ASCC3: variants seen among roughly 807,000 people sequenced by gnomAD.
ASCC3 encodes activating signal cointegrator 1 complex subunit 3, also known as ASC-1 complex subunit P200.
In ASCC3, 158 loss-of-function variants were observed where a neutral mutation model predicts 256.3. The ratio of observed to expected loss-of-function variants is 0.62; its 90% CI spans 0.54 to 0.70. ASCC3 has a LOEUF of 0.70. ASCC3 is among the 30% of genes least tolerant of loss of function. ASCC3 has a pLI of 0.00. For synonymous variants in ASCC3, 948 were observed against 883.4 expected, an observed-to-expected ratio of 1.07 and a Z score of -1.30; for missense variants, 2,259 against 2,626.0, an observed-to-expected ratio of 0.86 and a Z score of 3.05.
At chr6:100,701,853 A>G (rs888897501) in intron 13 of ASCC3, among the ~76,000 whole-genome samples, 3 of 152,156 alleles carry the variant, frequency 2.0e-5, no homozygotes, top group Non-Finnish European at 4.4e-5. Flanking sequence ...TGTGTGAGTC[A>G]TAGGGAACAA....
At chr6:100,830,857 T>G (rs181408884) in intron 4 of ASCC3, among the ~76,000 whole-genome samples, 1 of 152,176 alleles carries the variant, frequency 6.6e-6, no homozygotes, top group Admixed American at 6.5e-5. Flanking sequence ...GTTAAAGTTA[T>G]CAAAGTAAAG....
rs1178177683 is a variant in ASCC3 at position 100,662,050 on chromosome 6, C to A, written c.2479-20G>T. The stretch of plus-strand genomic sequence containing the variant: ...TGTTCCCTAGATGAGGAAAAGTTAA[C>A]AAAAATTTACATAAACACACACAAA... On this transcript the variant is annotated intron_variant, in intron 15 of 41. Transcript: ENST00000369162. 6.3e-7 allele frequency: 1 copy of A among 1,594,596 alleles called. No homozygotes were observed. Among genetic ancestry groups the A allele is most frequent in the Non-Finnish European group, 8.6e-7 (1 of 1,163,330 alleles).
chr6:100,579,873 G>A (rs1211793223), intron 36 of ASCC3, among the ~76,000 whole-genome samples: 1 of 152,084 alleles, frequency 6.6e-6, no homozygotes, highest in Non-Finnish European at 1.5e-5. Context: ...AATGTCATTG[G>A]TAGTTTGTTA....
intron 12 of ASCC3, among the ~76,000 whole-genome samples, 181 bp downstream of exon 12, chr6:100,717,894 A>G (rs1779159201): frequency 6.6e-6 from 1 of 152,182 alleles, no homozygotes; most frequent in Non-Finnish European, 1.5e-5. Flanking sequence ...ATAGTTGAGG[A>G]AGTATGCTTG....
intron 10 of ASCC3, among the ~76,000 whole-genome samples, chr6:100,728,400 A>G (rs1017131305): frequency 8.6e-5 from 13 of 151,998 alleles, no homozygotes; most frequent in Non-Finnish European, 7.4e-5. Context: ...GGTGGAATAT[A>G]AACTTATACA....
intron 13 of ASCC3, among the ~76,000 whole-genome samples, chr6:100,696,787 AAAAT>A (rs1238243617): frequency 6.6e-5 from 10 of 152,212 alleles, no homozygotes; most frequent in African/African-American, 2.4e-4. Flanking sequence ...CATTTTTGCC[AAAAT>A]AAATAAAATT....
At chr6:100,615,175 C>G (rs1028616900) in intron 30 of ASCC3, among the ~76,000 whole-genome samples, 1 of 152,058 alleles carries the variant, frequency 6.6e-6, no homozygotes, top group African/African-American at 2.4e-5. Context: ...GCCACCACAC[C>G]TGGGCCAGGC....
At chr6:100,568,938 C>T (rs1770430457) in intron 36 of ASCC3, among the ~76,000 whole-genome samples, 1 of 151,500 alleles carries the variant, frequency 6.6e-6, no homozygotes, top group Non-Finnish European at 1.5e-5. Flanking sequence ...CCACCATGCC[C>T]AGCTAATTTT....
At chr6:100,656,686 TAGA>T (rs1232896709) in intron 16 of ASCC3, among the ~76,000 whole-genome samples, 2 of 151,490 alleles carry the variant, frequency 1.3e-5, no homozygotes, top group Non-Finnish European at 1.5e-5. Flanking sequence ...AAAAAATTAT[TAGA>T]AGATGATATT....
At chr6:100,529,158 GTGTA>G (rs904276877) in intron 37 of ASCC3, among the ~76,000 whole-genome samples, 6 of 152,116 alleles carry the variant, frequency 3.9e-5, no homozygotes, top group Non-Finnish European at 5.9e-5. Flanking sequence ...GTGTGTGTGT[GTGTA>G]TGTGTTTATT....
intron 20 of ASCC3, among the ~76,000 whole-genome samples, chr6:100,647,873 G>GA (rs1302642846): frequency 6.6e-6 from 1 of 151,488 alleles, no homozygotes; most frequent in Non-Finnish European, 1.5e-5. Context: ...TCCTGATAGG[G>GA]AAAAAAAATA....
chr6:100,736,101 T>A (rs1441350595), intron 10 of ASCC3, among the ~76,000 whole-genome samples: 1 of 152,238 alleles, frequency 6.6e-6, no homozygotes, highest in African/African-American at 2.4e-5. Flanking sequence ...CAGTAACTGT[T>A]GATAAATTAT....
chr6:100,880,288 G>T (rs1769233750), intron 1 of ASCC3, among the ~76,000 whole-genome samples: 1 of 151,966 alleles, frequency 6.6e-6, no homozygotes, highest in Admixed American at 6.6e-5. Flanking sequence ...TTGAGAATCA[G>T]AAAAAGGATT....
chr6:100,660,156 C>T (rs1164264692), intron 16 of ASCC3, among the ~76,000 whole-genome samples: 1 of 151,446 alleles, frequency 6.6e-6, no homozygotes, highest in Non-Finnish European at 1.5e-5. Flanking sequence ...CTTTAACTTA[C>T]TACATTTTAT....
intron 37 of ASCC3, among the ~76,000 whole-genome samples, chr6:100,538,998 C>T (rs1397557878): frequency 1.3e-5 from 2 of 152,142 alleles, no homozygotes; most frequent in Admixed American, 1.3e-4. Context: ...GTAATGTCAG[C>T]TCCATGCTTC....
chr6:100,678,047 T>C (rs1429205317), intron 14 of ASCC3, among the ~76,000 whole-genome samples: 4 of 152,104 alleles, frequency 2.6e-5, no homozygotes, highest in East Asian at 1.9e-4. Flanking sequence ...CAAGGGATAA[T>C]ACCAGCAATA....
chr6:100,733,921 A>G (rs2115055204), intron 10 of ASCC3, among the ~76,000 whole-genome samples: 1 of 152,290 alleles, frequency 6.6e-6, no homozygotes, highest in Non-Finnish European at 1.5e-5. Flanking sequence ...AAACAAACAA[A>G]CAAAATATAT....
At chr6:100,619,989 CT>C (rs1773863412) in intron 30 of ASCC3, among the ~76,000 whole-genome samples, 1 of 151,808 alleles carries the variant, frequency 6.6e-6, no homozygotes, top group Non-Finnish European at 1.5e-5. Flanking sequence ...CCTTGCATTG[CT>C]AGAAAAAAAA....
chr6:100,522,154 C>CT (rs1425365045), intron 37 of ASCC3, among the ~76,000 whole-genome samples: 1 of 152,128 alleles, frequency 6.6e-6, no homozygotes, highest in Non-Finnish European at 1.5e-5. Flanking sequence ...ACTTGACACT[C>CT]TATCTACCAG....
Sources: allele counts gnomAD v4.1 joint callset (sites outside exome capture counted in the v4.1 genomes callset), GRCh38; gene constraint gnomAD v4.1.1; transcripts MANE v1.5; gene names NCBI Gene and HGNC (gene_info 2026-07-23, HGNC 2026-07-21).